Variants in EEFSEC observed in about 807,000 individuals in gnomAD.
EEFSEC encodes the protein selenocysteine-specific elongation factor.
In EEFSEC, 43 loss-of-function variants were observed where a neutral mutation model predicts 42.1. The ratio of observed to expected loss-of-function variants is 1.02; its 90% CI spans 0.80 to 1.32. EEFSEC has a LOEUF of 1.32. Ranked by LOEUF, EEFSEC falls within the 40% of genes most tolerant of loss-of-function variation. EEFSEC has a pLI of 0.00. For synonymous variants in EEFSEC, 354 were observed against 339.1 expected (o/e 1.04, Z -0.48); for missense variants, 745 against 803.6 (o/e 0.93, Z 0.88).
intron 1 of EEFSEC, among the ~76,000 whole-genome samples, chr3:128,187,743 A>G (rs939519825): frequency 6.6e-6 from 1 of 152,216 alleles, no homozygotes; most frequent in Non-Finnish European, 1.5e-5. Flanking sequence ...AAGACCATAC[A>G]ATACACCAGA....
chr3:128,169,274 G>A (rs2107773312), intron 1 of EEFSEC, among the ~76,000 whole-genome samples: 1 of 152,286 alleles, frequency 6.6e-6, no homozygotes, highest in Middle Eastern at 3.4e-3. Context: ...CAGACCAAAG[G>A]TGTAGCACAC....
chr3:128,188,331 G>C (rs1181943198), intron 1 of EEFSEC, among the ~76,000 whole-genome samples: 2 of 152,306 alleles, frequency 1.3e-5, no homozygotes, highest in South Asian at 2.1e-4. Context: ...ATGCTGCTGC[G>C]ATCATGATGA....
chr3:128,369,444 A>G (rs2067627957), intron 6 of EEFSEC, among the ~76,000 whole-genome samples: 1 of 152,234 alleles, frequency 6.6e-6, no homozygotes, highest in African/African-American at 2.4e-5. Context: ...GGCAACCCCA[A>G]TAACCTGTCC....
intron 4 of EEFSEC, among the ~76,000 whole-genome samples, chr3:128,277,111 G>T (rs1191291031): frequency 6.6e-6 from 1 of 152,256 alleles, no homozygotes; most frequent in African/African-American, 2.4e-5. Flanking sequence ...TGCAGTCTGT[G>T]TCGGGCCCCT....
chr3:128,207,142 T>C (rs1256224584), intron 1 of EEFSEC, among the ~76,000 whole-genome samples: 3 of 152,196 alleles, frequency 2.0e-5, no homozygotes, highest in Non-Finnish European at 2.9e-5. Context: ...AAGAGTCTTA[T>C]AAAACAGTAT....
intron 1 of EEFSEC, among the ~76,000 whole-genome samples, chr3:128,211,030 G>T (rs961424960): frequency 6.6e-6 from 1 of 152,164 alleles, no homozygotes. Context: ...TCGCTTACTG[G>T]CTGTTTAAGC....
intron 3 of EEFSEC, among the ~76,000 whole-genome samples, chr3:128,264,246 C>A (rs1559892576): frequency 6.6e-6 from 1 of 152,118 alleles, no homozygotes; most frequent in Non-Finnish European, 1.5e-5. Context: ...CATCAGGAGG[C>A]TGGGGAAATG....
intron 1 of EEFSEC, among the ~76,000 whole-genome samples, chr3:128,233,038 G>A (rs1426151578): frequency 6.6e-6 from 1 of 152,216 alleles, no homozygotes; most frequent in Admixed American, 6.5e-5. Context: ...CTGACGATAA[G>A]CTGATGCCTG....
intron 1 of EEFSEC, among the ~76,000 whole-genome samples, chr3:128,195,646 C>T (rs1216045627): frequency 6.6e-6 from 1 of 152,166 alleles, no homozygotes; most frequent in South Asian, 2.1e-4. Flanking sequence ...AAGGCGCCTC[C>T]CATTCACAAG....
At chr3:128,251,082 G>A (rs1576581180) in intron 2 of EEFSEC, among the ~76,000 whole-genome samples, 1 of 151,584 alleles carries the variant, frequency 6.6e-6, no homozygotes, top group Non-Finnish European at 1.5e-5. Flanking sequence ...CCTGATTTTT[G>A]AACTTGTACC....
At chr3:128,347,120 G>T (rs917578326) in intron 5 of EEFSEC, among the ~76,000 whole-genome samples, 1 of 152,212 alleles carries the variant, frequency 6.6e-6, no homozygotes, top group African/African-American at 2.4e-5. Flanking sequence ...TTTTTCTTGG[G>T]TGCCCACTGT....
chr3:128,407,933 G>A lies in EEFSEC; in HGVS notation c.1601-136G>A, dbSNP rs1029244819. ...GCCGGAGGGACCAAAATGTCAGAAT[G>A]GACCACAGGCCTCAGGGCTGATTGG... On this transcript the variant is annotated intron_variant, in intron 6 of 6. Coordinates refer to ENST00000254730, the MANE Select transcript of EEFSEC (RefSeq NM_021937.5). 4 of 788,474 alleles carry A rather than the reference G, an allele frequency of 5.1e-6. No individual in the cohort carries two copies. The East Asian group carries it at 1.1e-4, about 23-fold the overall frequency. 48.8% of individuals were successfully genotyped at this position (788,474 alleles called of 1,614,324 possible).
chr3:128,338,917 T>C (rs2067220187), intron 4 of EEFSEC, among the ~76,000 whole-genome samples: 1 of 152,084 alleles, frequency 6.6e-6, no homozygotes, highest in South Asian at 2.1e-4. Context: ...AGCCATGAGG[T>C]AGACGATGGG....
chr3:128,235,211 C>G lies in EEFSEC; in HGVS notation c.317-11625C>G, dbSNP rs995192194. 2.0e-5 allele frequency among the ~76,000 whole-genome samples: 3 copies of G among 148,604 alleles called. No individual in the cohort carries two copies. The Admixed American group carries it at 2.0e-4, about 10-fold the overall frequency. On this transcript the variant is annotated intron_variant, in intron 1 of 6. Transcript: ENST00000254730. The stretch of plus-strand genomic sequence containing the variant: ...TCCCATATGTCTGGGACCACAGGTG[C>G]ACACCACCACACCCAGCTAATTTTT...
chr3:128,303,120 T>C (rs949088827), intron 4 of EEFSEC, among the ~76,000 whole-genome samples: 1 of 152,076 alleles, frequency 6.6e-6, no homozygotes, highest in African/African-American at 2.4e-5. Context: ...TTTTTAAACA[T>C]TATTATTATT....
chr3:128,200,526 G>C (rs2065633346), intron 1 of EEFSEC, among the ~76,000 whole-genome samples: 1 of 152,076 alleles, frequency 6.6e-6, no homozygotes, highest in Admixed American at 6.5e-5. Context: ...CACCTCAGGT[G>C]ATCCGCCCAC....
chr3:128,309,575 G>C (rs1319465415), intron 4 of EEFSEC, among the ~76,000 whole-genome samples: 2 of 152,228 alleles, frequency 1.3e-5, no homozygotes, highest in South Asian at 4.1e-4. Context: ...GTAAGTAAAA[G>C]ACCATCGGTT....
rs184771550 is a variant in EEFSEC, at chr3:128,197,581, G to A, written c.316+43758G>A. ...AGCCACTGCGCCCGGCCGGAAATACGCATTTTTACATCTCTGATCCAATTT... is the reference window on the plus strand; with the variant it reads ...AGCCACTGCGCCCGGCCGGAAATACACATTTTTACATCTCTGATCCAATTT... On this transcript the variant is annotated intron_variant, in intron 1 of 6. Coordinates refer to ENST00000254730, the MANE Select transcript of EEFSEC (RefSeq NM_021937.5). Among the ~76,000 whole-genome samples the A allele has an allele frequency of 1.5e-3, 228 of 152,214 alleles. 1 individual carries two copies. Among genetic ancestry groups the A allele is most frequent in the Middle Eastern group, 0.01 (3 of 294 alleles).
intron 6 of EEFSEC, among the ~76,000 whole-genome samples, chr3:128,393,202 A>T (rs1030342110): frequency 6.6e-6 from 1 of 152,148 alleles, no homozygotes; most frequent in East Asian, 1.9e-4. Context: ...CCCCATCATA[A>T]CAGCAGGACC....
Sources: allele counts gnomAD v4.1 joint callset (sites outside exome capture counted in the v4.1 genomes callset), GRCh38; gene constraint gnomAD v4.1.1; transcripts MANE v1.5; gene names NCBI Gene and HGNC (gene_info 2026-07-23, HGNC 2026-07-21).